Variants in CEMIP observed in about 807,000 individuals in gnomAD.
The protein encoded by CEMIP is cell migration inducing hyaluronidase 1.
In CEMIP, 105 loss-of-function variants were observed where a neutral mutation model predicts 156.9. The observed-to-expected ratio is 0.67, with a 90% CI of 0.57 to 0.79. The LOEUF (loss-of-function observed/expected upper bound fraction) is 0.79, where lower values mean the gene tolerates loss of function less well. CEMIP is among the 30% of genes least tolerant of loss of function. The pLI, the probability that CEMIP is intolerant of heterozygous loss-of-function variation, is 0.00. For missense variants in CEMIP, 1,457 were observed against 1,769.4 expected (o/e 0.82, Z 3.17); for synonymous variants, 676 against 668.4 (o/e 1.01, Z -0.17).
intron 1 of CEMIP, among the ~76,000 whole-genome samples, chr15:80,832,270 T>C (rs79305191): frequency 1.3e-5 from 2 of 151,856 alleles, no homozygotes. Context: ...TGCCTATGTG[T>C]TACTATACAG....
At position 80,933,358 on chromosome 15, in the gene CEMIP, T is replaced by C; in HGVS notation, c.2907T>C (p.Pro969=). 1 of 1,614,192 alleles carries C rather than the reference T, an allele frequency of 6.2e-7. No homozygotes were observed. The highest frequency in any genetic ancestry group is 1.1e-5 in the South Asian group (1 of 91,078). ...TCGACGGCTCCGTGTCCGAGTACCC[T>C]GGCTCCTACCTCACGAAGAATGACA... ...HDVDGSVSEY[P]GSYLTKNDNW... is the part of the protein sequence containing the mutation. Residue 969 remains proline (P), a synonymous_variant, in exon 23 of 30, where the codon CCT becomes CCC. Transcript: ENST00000394685.
chr15:80,854,038 A>T (rs1356303029), intron 1 of CEMIP, among the ~76,000 whole-genome samples: 1 of 152,260 alleles, frequency 6.6e-6, no homozygotes, highest in African/African-American at 2.4e-5. Flanking sequence ...CTGGAGTCAG[A>T]GAGATCTGTG....
In CEMIP at chr15:80,929,192, T is replaced by TAG. The variant is rs1333220422; in HGVS notation, c.2612+19_2612+20dup. Reference sequence around the variant, plus strand: ...ATAGGCCAGTAGGTTTGCAACCATGTAGCTCCTTATTCTGAGTGGCTTAAC... The same window carrying TAG: ...ATAGGCCAGTAGGTTTGCAACCATGTAGAGCTCCTTATTCTGAGTGGCTTAAC... On this transcript the variant is annotated intron_variant, in intron 21 of 29. Transcript: ENST00000394685. 1 of 1,614,182 alleles carries TAG rather than the reference T, an allele frequency of 6.2e-7. No individual in the cohort carries two copies. Among genetic ancestry groups the TAG allele is most frequent in the Non-Finnish European group, 8.5e-7 (1 of 1,180,008 alleles).
chr15:80,901,027 T>C lies in CEMIP; in HGVS notation c.1411+4967T>C, dbSNP rs74028106. 2,118 of 452,004 alleles carry C rather than the reference T, an allele frequency of 4.7e-3. 44 individuals carry two copies. The highest frequency in any genetic ancestry group is 0.039 in the African/African-American group (1,918 of 49,804). 28.0% of individuals were successfully genotyped at this position (452,004 alleles called of 1,614,324 possible). On this transcript the variant is annotated intron_variant, in intron 12 of 29. Transcript: ENST00000394685. ...AATGCATGAATCATCTAAAAAAAAA[T>C]TTCAAAATTTTGTCAACCACAGTAT...
chr15:80,809,093 T>C (rs1896590513), intron 1 of CEMIP, among the ~76,000 whole-genome samples: 1 of 152,210 alleles, frequency 6.6e-6, no homozygotes, highest in Non-Finnish European at 1.5e-5. Context: ...AAAATATCAA[T>C]TATATTGAAA....
At chr15:80,844,249 G>C (rs1168671286) in intron 1 of CEMIP, among the ~76,000 whole-genome samples, 1 of 152,198 alleles carries the variant, frequency 6.6e-6, no homozygotes, top group African/African-American at 2.4e-5. Context: ...CCCTCCCCCT[G>C]CCTGGGATGA....
Position 80,879,842 on chromosome 15 carries a change from T to G in CEMIP, c.368T>G (p.Ile123Ser), listed in dbSNP as rs150512474. 1.8e-5 allele frequency: 29 copies of G among 1,614,044 alleles called. No homozygotes were observed. Among genetic ancestry groups the G allele is most frequent in the Non-Finnish European group, 2.4e-5 (28 of 1,180,030 alleles). ...LCPFQGNFTI[I>S]LYGRADEGIQ... The stretch of plus-strand genomic sequence containing the variant: ...CCTTTCCAGGGCAATTTCACCATCA[T>G]TTTGTATGGAAGGTGCGTAGACCAC... The change falls in exon 5 of 30, where the codon ATT (isoleucine) becomes AGT (serine). Residue 123 changes from isoleucine to serine, a missense_variant. Transcript: ENST00000394685.
At chr15:80,933,517 T>G (rs1031293270) in intron 23 of CEMIP, 57 bp downstream of exon 23, 2 of 1,329,630 alleles carry the variant, frequency 1.5e-6, no homozygotes, top group Non-Finnish European at 2.2e-6. Context: ...CAACAAGCAT[T>G]CAGTGAGTGT....
Position 80,878,725 on chromosome 15 carries a change from T to C in CEMIP, c.99T>C (p.Ala33=), listed in dbSNP as rs950897546. 1 of 1,614,192 alleles carries C rather than the reference T, an allele frequency of 6.2e-7. No individual in the cohort carries two copies. Among genetic ancestry groups the C allele is most frequent in the Non-Finnish European group, 8.5e-7 (1 of 1,180,038 alleles). Residue 33 remains alanine (A), a synonymous_variant, in exon 4 of 30, where the codon GCT becomes GCC. Transcript: ENST00000394685. ...ACATCTCTCTGTCCTTGGCAGTGGC[T>C]GCTGGGTGCCCTGACCAGAGCCCTG... ...TCFPGATSTV[A]AGCPDQSPEL...
intron 14 of CEMIP, among the ~76,000 whole-genome samples, chr15:80,913,905 G>A (rs1387596187): frequency 6.6e-6 from 1 of 152,246 alleles, no homozygotes; most frequent in African/African-American, 2.4e-5. Context: ...TTATCCTAGC[G>A]ATGCCTAAAC....
In CEMIP at chr15:80,863,185, A is replaced by G. The variant is rs534074099; in HGVS notation, c.-175-10353A>G. Reference sequence around the variant, plus strand: ...TTTTCCTCAATTGAGGGTAATGCTTAAATGACAAAAAAAGAGTGATGTATT... The same window carrying G: ...TTTTCCTCAATTGAGGGTAATGCTTGAATGACAAAAAAAGAGTGATGTATT... On this transcript the variant is annotated intron_variant, in intron 1 of 29. Coordinates refer to ENST00000394685, the MANE Select transcript of CEMIP (RefSeq NM_001293298.2). Among the ~76,000 whole-genome samples the G allele has an allele frequency of 6.0e-4, 91 of 152,374 alleles. 1 individual carries two copies. The highest frequency in any genetic ancestry group is 3.4e-3 in the Middle Eastern group (1 of 294).
At chr15:80,891,448 T>C (rs1452237190) in intron 10 of CEMIP, among the ~76,000 whole-genome samples, 1 of 152,214 alleles carries the variant, frequency 6.6e-6, no homozygotes, top group Non-Finnish European at 1.5e-5. Context: ...AAGACCTAGT[T>C]TTCTTCTAAC....
intron 1 of CEMIP, among the ~76,000 whole-genome samples, chr15:80,871,004 C>T (rs1898269775): frequency 6.6e-6 from 1 of 152,184 alleles, no homozygotes; most frequent in African/African-American, 2.4e-5. Flanking sequence ...AGCTAACATG[C>T]ACTCTTCTGA....
At chr15:80,866,180 G>A (rs538239561) in intron 1 of CEMIP, among the ~76,000 whole-genome samples, 1 of 152,330 alleles carries the variant, frequency 6.6e-6, no homozygotes, top group South Asian at 2.1e-4. Flanking sequence ...GATAGGGCGA[G>A]TCCGTGAGGG....
chr15:80,888,897 C>G (rs1413944203), intron 9 of CEMIP, 101 bp downstream of exon 9: 2 of 1,086,784 alleles, frequency 1.8e-6, no homozygotes, highest in Non-Finnish European at 2.9e-6. Context: ...ACCAGTAGGA[C>G]CACTTTAATT....
intron 1 of CEMIP, among the ~76,000 whole-genome samples, chr15:80,829,197 C>T (rs77300468): frequency 2.9e-3 from 437 of 152,322 alleles, no homozygotes; most frequent in African/African-American, 9.7e-3. Flanking sequence ...TACCTGTCAC[C>T]GCCCACATCC....
intron 1 of CEMIP, among the ~76,000 whole-genome samples, chr15:80,868,731 C>T (rs1289662324): frequency 1.3e-5 from 2 of 152,172 alleles, no homozygotes; most frequent in African/African-American, 4.8e-5. Context: ...TTTCCCCATC[C>T]ATAAACTAGA....
chr15:80,914,220 A>G (rs946298133), intron 14 of CEMIP, among the ~76,000 whole-genome samples: 8 of 152,290 alleles, frequency 5.3e-5, no homozygotes, highest in South Asian at 4.1e-4. Context: ...TTCCTGAAGG[A>G]AAGTAATGGA....
At chr15:80,942,377 T>C (rs776599634) in intron 27 of CEMIP, 40 bp downstream of exon 27, 112 of 1,523,140 alleles carry the variant, frequency 7.4e-5, no homozygotes, top group Non-Finnish European at 8.6e-5. Flanking sequence ...GGTTTGCTCA[T>C]TGAGAGGTGA....
Sources: allele counts gnomAD v4.1 joint callset (sites outside exome capture counted in the v4.1 genomes callset), GRCh38; gene constraint gnomAD v4.1.1; transcripts MANE v1.5; gene names NCBI Gene and HGNC (gene_info 2026-07-23, HGNC 2026-07-21).